Variants in SNAP91 observed in about 807,000 individuals in gnomAD.
The protein encoded by SNAP91 is clathrin coat assembly protein AP180.
In SNAP91, 27 loss-of-function variants were observed where a neutral mutation model predicts 100.3. The ratio of observed to expected loss-of-function variants is 0.27; its 90% CI spans 0.20 to 0.37. SNAP91 has a LOEUF of 0.37. SNAP91 is among the 10% of genes least tolerant of loss of function. SNAP91 has a pLI of 1.00. For missense variants in SNAP91, 986 were observed against 1,123.7 expected, an observed-to-expected ratio of 0.88 and a Z score of 1.75; for synonymous variants, 404 against 398.6, an observed-to-expected ratio of 1.01 and a Z score of -0.16.
intron 2 of SNAP91, among the ~76,000 whole-genome samples, chr6:83,681,724 AAG>A (rs2098992313): frequency 6.6e-6 from 1 of 152,194 alleles, no homozygotes; most frequent in Admixed American, 6.6e-5. Flanking sequence ...TTGAGAGAGA[AAG>A]AGAGATGAGA....
intron 22 of SNAP91, among the ~76,000 whole-genome samples, chr6:83,590,958 G>C (rs1203829452): frequency 7.0e-6 from 1 of 143,722 alleles, no homozygotes; most frequent in South Asian, 2.1e-4. Context: ...TTTTAGATTT[G>C]GGGGGGCAAG....
intron 2 of SNAP91, among the ~76,000 whole-genome samples, chr6:83,684,205 G>A (rs2099029639): frequency 6.6e-6 from 1 of 152,056 alleles, no homozygotes; most frequent in Admixed American, 6.6e-5. Flanking sequence ...CATGCATCTG[G>A]ACTGGCATTA....
intron 7 of SNAP91, among the ~76,000 whole-genome samples, chr6:83,651,082 C>T (rs117228747): frequency 1.5e-3 from 222 of 152,214 alleles, no homozygotes; most frequent in Non-Finnish European, 2.8e-3. Context: ...TTTTTAACAT[C>T]CATAAGATCT....
chr6:83,580,206 C>A (rs1446073096), intron 24 of SNAP91, among the ~76,000 whole-genome samples: 1 of 152,056 alleles, frequency 6.6e-6, no homozygotes, highest in South Asian at 2.1e-4. Flanking sequence ...CCTGATTATA[C>A]CTTTAATAAT....
intron 7 of SNAP91, among the ~76,000 whole-genome samples, chr6:83,656,082 G>T (rs1395405225): frequency 6.6e-6 from 1 of 152,216 alleles, no homozygotes; most frequent in African/African-American, 2.4e-5. Context: ...AAGAAACATT[G>T]AACTACACCA....
chr6:83,667,343 T>C (rs1207458540), intron 2 of SNAP91, among the ~76,000 whole-genome samples: 1 of 152,104 alleles, frequency 6.6e-6, no homozygotes, highest in Non-Finnish European at 1.5e-5. Context: ...TTTTTCTAAC[T>C]GAGTATCTTT....
At chr6:83,621,924 T>G (rs555568274) in intron 9 of SNAP91, among the ~76,000 whole-genome samples, 1 of 152,228 alleles carries the variant, frequency 6.6e-6, no homozygotes, top group African/African-American at 2.4e-5. Flanking sequence ...CTTATGTGGA[T>G]TATTTTTTAA....
chr6:83,652,954 A>C (rs1466556331), intron 7 of SNAP91, among the ~76,000 whole-genome samples: 2 of 152,184 alleles, frequency 1.3e-5, no homozygotes, highest in African/African-American at 4.8e-5. Context: ...GAAGTCATAC[A>C]AAATTCTTAT....
At chr6:83,648,349 GT>G (rs1562498201) in intron 7 of SNAP91, among the ~76,000 whole-genome samples, 3 of 151,034 alleles carry the variant, frequency 2.0e-5, no homozygotes, top group Non-Finnish European at 3.0e-5. Context: ...GTTTATCTAT[GT>G]ACCTATTAAT....
chr6:83,623,796 G>T (rs986954698), intron 8 of SNAP91, among the ~76,000 whole-genome samples: 1 of 151,916 alleles, frequency 6.6e-6, no homozygotes, highest in Admixed American at 6.6e-5. Context: ...TATCCTTTCA[G>T]AGTTTCTTTA....
chr6:83,642,885 A>G lies in SNAP91; in HGVS notation c.659-1683T>C, dbSNP rs570015574. On this transcript the variant is annotated intron_variant, in intron 7 of 29. Transcript: ENST00000369694. Reference sequence around the variant, plus strand: ...TGACTTTTTAACGATCGCCATTCTAACTGGTGTAAGATGGTATCTCATTGT... The same window carrying G: ...TGACTTTTTAACGATCGCCATTCTAGCTGGTGTAAGATGGTATCTCATTGT... 4.4e-4 allele frequency among the ~76,000 whole-genome samples: 67 copies of G among 152,198 alleles called. 1 individual carries two copies. Among genetic ancestry groups the G allele is most frequent in the Non-Finnish European group, 8.2e-4 (56 of 68,030 alleles).
intron 8 of SNAP91, among the ~76,000 whole-genome samples, chr6:83,627,445 A>T (rs2096984139): frequency 6.6e-6 from 1 of 151,926 alleles, no homozygotes; most frequent in South Asian, 2.1e-4. Flanking sequence ...TTCTTTTTAC[A>T]TCTGATAGAA....
At chr6:83,618,859 G>A (rs932105363) in intron 9 of SNAP91, among the ~76,000 whole-genome samples, 3 of 151,866 alleles carry the variant, frequency 2.0e-5, no homozygotes, top group Non-Finnish European at 4.4e-5. Flanking sequence ...TGTAAAGAAA[G>A]GGTGATTTTT....
chr6:83,653,141 G>A (rs1197573534), intron 7 of SNAP91, among the ~76,000 whole-genome samples: 1 of 151,874 alleles, frequency 6.6e-6, no homozygotes, highest in African/African-American at 2.4e-5. Flanking sequence ...CATTAATTTG[G>A]GAAAATTCTC....
intron 28 of SNAP91, among the ~76,000 whole-genome samples, chr6:83,556,464 G>T (rs1431341780): frequency 6.7e-6 from 1 of 149,766 alleles, no homozygotes; most frequent in Non-Finnish European, 1.5e-5. Context: ...AAAGGCTTAT[G>T]AAATCTACTT....
At chr6:83,624,879 T>C (rs1403602303) in intron 8 of SNAP91, among the ~76,000 whole-genome samples, 1 of 152,120 alleles carries the variant, frequency 6.6e-6, no homozygotes, top group East Asian at 1.9e-4. Context: ...ATATTATTAT[T>C]TCTTTTTAAA....
At chr6:83,657,805 C>T (rs980683259) in intron 6 of SNAP91, among the ~76,000 whole-genome samples, 1 of 150,838 alleles carries the variant, frequency 6.6e-6, no homozygotes, top group Non-Finnish European at 1.5e-5. Flanking sequence ...CTCACTCTGT[C>T]GTCTAGACTG....
At chr6:83,702,544 C>A (rs1353132937) in intron 2 of SNAP91, among the ~76,000 whole-genome samples, 1 of 152,130 alleles carries the variant, frequency 6.6e-6, no homozygotes, top group Admixed American at 6.5e-5. Context: ...TAAAATGCTA[C>A]AAGCTAATAT....
intron 7 of SNAP91, among the ~76,000 whole-genome samples, chr6:83,652,715 A>G (rs1341083966): frequency 6.6e-6 from 1 of 152,086 alleles, no homozygotes; most frequent in East Asian, 1.9e-4. Context: ...ATGTAAACCC[A>G]AGTTTATGAC....
Sources: gnomAD v4.1 joint callset for allele counts (sites outside exome capture counted in the v4.1 genomes callset) on GRCh38, gnomAD v4.1.1 for gene constraint, MANE v1.5 for transcripts, NCBI Gene and HGNC (gene_info 2026-07-23, HGNC 2026-07-21) for gene names.